NRP2: variants seen among roughly 807,000 people sequenced by gnomAD.
The protein encoded by NRP2 is neuropilin 2, also known as neuropilin-2.
A neutral mutation model predicts 110.4 loss-of-function variants in NRP2; 52 were observed. The ratio of observed to expected loss-of-function variants is 0.47; its 90% CI spans 0.38 to 0.59. NRP2 has a LOEUF of 0.59. Ranked by LOEUF, NRP2 falls within the 20% of genes least tolerant of loss-of-function variation. The pLI, the probability that NRP2 is intolerant of heterozygous loss-of-function variation, is 0.00. For missense variants in NRP2, 1,049 were observed against 1,203.0 expected, an observed-to-expected ratio of 0.87 and a Z score of 1.89; for synonymous variants, 508 against 468.9, an observed-to-expected ratio of 1.08 and a Z score of -1.08.
intron 15 of NRP2, chr2:205,768,217 G>A (rs1005023287): frequency 6.6e-6 from 1 of 152,222 alleles, no homozygotes; most frequent in Non-Finnish European, 1.5e-5. Flanking sequence ...GCATACACTG[G>A]TGCTCTCTGG....
At chr2:205,782,105 G>C (rs779801161) in intron 15 of NRP2, among the ~76,000 whole-genome samples, 7 of 152,134 alleles carry the variant, frequency 4.6e-5, no homozygotes, top group Non-Finnish European at 8.8e-5. Context: ...GGAGAATCTA[G>C]GTGCTTCAGC....
intron 3 of NRP2, among the ~76,000 whole-genome samples, chr2:205,721,468 G>A (rs2057010620): frequency 6.6e-6 from 1 of 152,174 alleles, no homozygotes; most frequent in South Asian, 2.1e-4. Flanking sequence ...CTGGGTTGCA[G>A]TGCTCCCGGG....
chr2:205,722,172 T>TAC (rs10646445), intron 3 of NRP2: 16,437 of 279,650 alleles, frequency 0.059, 369 homozygotes, highest in African/African-American at 0.1. Flanking sequence ...CTCTCTCTCA[T>TAC]ACACACACAC....
chr2:205,695,301 T>TGTG (rs1166013860), intron 1 of NRP2, among the ~76,000 whole-genome samples: 1 of 152,192 alleles, frequency 6.6e-6, no homozygotes, highest in Non-Finnish European at 1.5e-5. Context: ...AATTTTTTTG[T>TGTG]GTGGTGGTGG....
intron 7 of NRP2, chr2:205,739,934 C>A: frequency 5.1e-6 from 1 of 197,374 alleles, no homozygotes; most frequent in South Asian, 9.3e-5. Flanking sequence ...AACCCTGACC[C>A]TGCCACAAAG....
chr2:205,691,484 T>G (rs849529), intron 1 of NRP2, among the ~76,000 whole-genome samples: 151,719 of 152,356 alleles, frequency 1, 75,542 homozygotes, highest in Middle Eastern at 1. Context: ...AACAAGATTA[T>G]AAATAATAGC....
chr2:205,712,130 T>A (rs1260270835), intron 2 of NRP2, among the ~76,000 whole-genome samples: 2 of 152,016 alleles, frequency 1.3e-5, no homozygotes, highest in East Asian at 3.9e-4. Flanking sequence ...TCTAGACAAA[T>A]GCTCACCATG....
intron 15 of NRP2, among the ~76,000 whole-genome samples, chr2:205,790,554 C>G (rs1457738025): frequency 6.6e-6 from 1 of 152,178 alleles, no homozygotes; most frequent in Non-Finnish European, 1.5e-5. Context: ...TATTCTTATC[C>G]AGTGTTCTGC....
chr2:205,760,678 A>G (rs1387303423), intron 12 of NRP2: 3 of 152,246 alleles, frequency 2.0e-5, no homozygotes, highest in African/African-American at 7.2e-5. Context: ...GAAGGGGCAG[A>G]CTGTGAAACC....
Position 205,728,043 on chromosome 2 carries a change from C to T in NRP2, c.1143C>T (p.His381=), listed in dbSNP as rs2057163424. Residue 381 remains histidine (H), a synonymous_variant, in exon 7 of 17, where the codon CAC becomes CAT. Coordinates refer to ENST00000357785, the MANE Select transcript of NRP2 (RefSeq NM_003872.3). ...TGGTGTACCGGCATGGCAAAAACCA[C>T]AAGGTAAATCCATGATCCTACCTTA... ...DWMVYRHGKN[H]KVFQANNDAT... 22 of 1,614,014 alleles carry T rather than the reference C, an allele frequency of 1.4e-5. No individual in the cohort carries two copies. The highest frequency in any genetic ancestry group is 1.9e-5 in the Non-Finnish European group (22 of 1,180,036).
At chr2:205,740,379 A>G (rs2057418663) in intron 7 of NRP2, 140 bp from the exon 8 acceptor site, 1 of 863,790 alleles carries the variant, frequency 1.2e-6, no homozygotes, top group Non-Finnish European at 1.9e-6. Context: ...AAAAAGCCCA[A>G]AACAACATAC....
At chr2:205,714,616 A>T (rs774251465) in intron 2 of NRP2, among the ~76,000 whole-genome samples, 17 of 152,192 alleles carry the variant, frequency 1.1e-4, no homozygotes, top group Non-Finnish European at 2.4e-4. Flanking sequence ...GAAACCACAG[A>T]CCTAAACAGA....
intron 15 of NRP2, chr2:205,776,448 C>G (rs2058100748): frequency 1.9e-6 from 3 of 1,613,100 alleles, no homozygotes; most frequent in Admixed American, 1.7e-5. Context: ...AAACCTCCCA[C>G]TACACCAACG....
intron 2 of NRP2, among the ~76,000 whole-genome samples, chr2:205,710,308 T>G (rs947082728): frequency 6.6e-6 from 1 of 152,228 alleles, no homozygotes; most frequent in Non-Finnish European, 1.5e-5. Context: ...TTCCTCCTCA[T>G]GTAACCTTGG....
At chr2:205,733,397 T>C (rs2057279601) in intron 7 of NRP2, among the ~76,000 whole-genome samples, 1 of 152,192 alleles carries the variant, frequency 6.6e-6, no homozygotes, top group South Asian at 2.1e-4. Flanking sequence ...GTGATTCTGC[T>C]TGGGCTGTGG....
In NRP2 at chr2:205,697,469, A is replaced by T. The variant is rs2056456668; in HGVS notation, c.74-75A>T. On this transcript the variant is annotated intron_variant, in intron 1 of 16. Transcript: ENST00000357785. ...AGTTTTAATCAGACACTGGTACAGA[A>T]GAGAAGGAGGGAGTGTGGGGGGAAG... is the stretch of plus-strand genomic sequence containing the variant. 2.3e-6 allele frequency: 3 copies of T among 1,324,566 alleles called. No individual in the cohort carries two copies. The Admixed American group carries it at 5.0e-5, about 22-fold the overall frequency. 82.1% of individuals were successfully genotyped at this position (1,324,566 alleles called of 1,614,324 possible). A position where few individuals can be genotyped will look rare whatever the true frequency, so the allele number is the denominator to read the frequency against.
chr2:205,784,593 G>T (rs778898739), intron 15 of NRP2, among the ~76,000 whole-genome samples: 1 of 152,104 alleles, frequency 6.6e-6, no homozygotes, highest in Non-Finnish European at 1.5e-5. Context: ...TGTTTACAGG[G>T]GTCCTGGGCC....
intron 4 of NRP2, among the ~76,000 whole-genome samples, chr2:205,723,389 A>G (rs1237754650): frequency 1.3e-5 from 2 of 152,304 alleles, no homozygotes; most frequent in Admixed American, 6.5e-5. Flanking sequence ...TCCTGGGTAA[A>G]TCACAAGACT....
At chr2:205,749,867 C>T in intron 11 of NRP2, 26 bp downstream of exon 11, 1 of 1,562,988 alleles carries the variant, frequency 6.4e-7, no homozygotes, top group Non-Finnish European at 8.8e-7. Flanking sequence ...CTCCAGATGG[C>T]ATGGGTGCGG....
Sources: gnomAD v4.1 joint callset for allele counts (sites outside exome capture counted in the v4.1 genomes callset) on GRCh38, gnomAD v4.1.1 for gene constraint, MANE v1.5 for transcripts, NCBI Gene and HGNC (gene_info 2026-07-23, HGNC 2026-07-21) for gene names.